The following GPBP1 variants were observed in gnomAD, a reference collection of about 807,000 sequenced individuals.
GPBP1 encodes GC-rich promoter binding protein 1.
Under a neutral mutation model 56.5 loss-of-function variants are expected in GPBP1, and 13 were observed. The observed-to-expected ratio is 0.23, with a 90% confidence interval of 0.15 to 0.37. The LOEUF (loss-of-function observed/expected upper bound fraction) is 0.37, where lower values mean the gene tolerates loss of function less well. GPBP1 is among the 10% of genes least tolerant of loss of function. The pLI is 1.00. For synonymous variants in GPBP1, 204 were observed against 188.9 expected, an observed-to-expected ratio of 1.08 and a Z score of -0.66; for missense variants, 477 against 572.3, an observed-to-expected ratio of 0.83 and a Z score of 1.70.
rs1470921682 is a variant in GPBP1, at chr5:57,231,276, G to A, written c.366G>A (p.Arg122=). ...ENNIPDNETG[R]KEDKRERKQF... The stretch of plus-strand genomic sequence containing the variant: ...ACATACCTGACAATGAAACCGGGAG[G>A]AAAGAAGACAAGAGAGAACGCAAAC... The change falls in exon 5 of 12, where the codon AGG becomes AGA. Residue 122 remains arginine (R), a synonymous_variant. Coordinates refer to ENST00000506184, the MANE Select transcript of GPBP1 (RefSeq NM_022913.4). 3.7e-6 allele frequency: 6 copies of A among 1,613,890 alleles called. No homozygotes were observed. The highest frequency in any genetic ancestry group is 5.1e-6 in the Non-Finnish European group (6 of 1,179,954).
At chr5:57,221,403 A>G in intron 3 of GPBP1, 2 of 1,505,238 alleles carry the variant, frequency 1.3e-6, no homozygotes, top group Admixed American at 2.0e-5. Context: ...GAAAGTAAGT[A>G]TTACTGAAAG....
intron 1 of GPBP1, 47 bp downstream of exon 1, chr5:57,174,258 G>T (rs1009355710): frequency 6.6e-6 from 1 of 152,552 alleles, no homozygotes; most frequent in African/African-American, 2.4e-5. Context: ...GGGAGGAGGG[G>T]AGTGCCCGTG....
chr5:57,199,810 C>A (rs996786787), intron 2 of GPBP1, among the ~76,000 whole-genome samples: 3 of 151,988 alleles, frequency 2.0e-5, no homozygotes, highest in African/African-American at 7.2e-5. Context: ...GTGTGCTGTT[C>A]AAGAACCCCT....
intron 3 of GPBP1, among the ~76,000 whole-genome samples, chr5:57,222,280 C>T (rs116509759): frequency 0.021 from 3,196 of 152,230 alleles, 59 homozygotes; most frequent in Middle Eastern, 0.048. Context: ...ACACTCTTAT[C>T]TCCCCCTGCC....
At chr5:57,194,560 A>G (rs1304678715) in intron 2 of GPBP1, among the ~76,000 whole-genome samples, 2 of 152,126 alleles carry the variant, frequency 1.3e-5, no homozygotes, top group East Asian at 3.8e-4. Flanking sequence ...TTATCTTGAA[A>G]TATATAATTA....
intron 6 of GPBP1, chr5:57,245,425 T>G (rs1249707877): frequency 2.0e-5 from 3 of 152,188 alleles, no homozygotes. Context: ...GAAGCTTGAT[T>G]TAGTTTTTGA....
intron 2 of GPBP1, among the ~76,000 whole-genome samples, chr5:57,212,919 T>G (rs1561343136): frequency 6.6e-6 from 1 of 152,028 alleles, no homozygotes; most frequent in South Asian, 2.1e-4. Flanking sequence ...GTGATCCACC[T>G]GTCTGCCTCA....
intron 6 of GPBP1, 199 bp from the exon 7 acceptor site, chr5:57,246,101 T>A (rs1741075562): frequency 2.2e-6 from 1 of 451,058 alleles, no homozygotes; most frequent in Non-Finnish European, 3.9e-6. Flanking sequence ...ATTCTTCCTA[T>A]ATTCTGTGGG....
chr5:57,242,597 G>A (rs758801722), intron 6 of GPBP1, among the ~76,000 whole-genome samples: 5 of 151,978 alleles, frequency 3.3e-5, no homozygotes, highest in African/African-American at 4.8e-5. Flanking sequence ...AGGCTCAAGC[G>A]ATCTTCCTGC....
chr5:57,225,178 G>GC (rs1756125005), intron 3 of GPBP1, among the ~76,000 whole-genome samples: 1 of 151,974 alleles, frequency 6.6e-6, no homozygotes, highest in South Asian at 2.1e-4. Context: ...GTATTATTTC[G>GC]CCGGGCACGG....
At chr5:57,180,476 T>C (rs528009164) in intron 2 of GPBP1, among the ~76,000 whole-genome samples, 56 of 152,304 alleles carry the variant, frequency 3.7e-4, no homozygotes, top group African/African-American at 1.3e-3. Flanking sequence ...TTGATAAAAA[T>C]GTTTATCAAA....
chr5:57,219,399 AAAAACC>A (rs1755839478), intron 3 of GPBP1, among the ~76,000 whole-genome samples: 3 of 59,544 alleles, frequency 5.0e-5, no homozygotes, highest in South Asian at 5.1e-4. Flanking sequence ...AAAAAAAAAA[AAAAACC>A]AAAAACAAAC....
intron 6 of GPBP1, among the ~76,000 whole-genome samples, chr5:57,236,820 T>C (rs1580057445): frequency 6.6e-6 from 1 of 152,192 alleles, no homozygotes; most frequent in Non-Finnish European, 1.5e-5. Context: ...CTTAAACACA[T>C]GTTCATTTGT....
chr5:57,260,988 A>ACCT (rs1326553298), intron 10 of GPBP1, among the ~76,000 whole-genome samples, 192 bp from the exon 11 acceptor site: 13 of 152,304 alleles, frequency 8.5e-5, no homozygotes, highest in African/African-American at 2.6e-4. Context: ...TTTTAATATC[A>ACCT]GTTTATTAAT....
intron 8 of GPBP1, among the ~76,000 whole-genome samples, chr5:57,247,866 C>G: frequency 6.6e-6 from 1 of 152,038 alleles, no homozygotes. Context: ...ATCTTAGTCT[C>G]CTGATTGTCT....
intron 2 of GPBP1, among the ~76,000 whole-genome samples, chr5:57,205,495 T>G (rs865847841): frequency 4.6e-5 from 7 of 152,190 alleles, no homozygotes; most frequent in South Asian, 2.1e-4. Context: ...ATTGCCAAAC[T>G]TCTACAGTTG....
intron 3 of GPBP1, among the ~76,000 whole-genome samples, chr5:57,229,718 G>A (rs28655466): frequency 0.037 from 5,664 of 151,586 alleles, 153 homozygotes; most frequent in Admixed American, 0.068. Flanking sequence ...ATTTTTTGTA[G>A]AGATGGGGTT....
At chr5:57,215,387 A>G (rs1314326977) in intron 3 of GPBP1, among the ~76,000 whole-genome samples, 1 of 152,138 alleles carries the variant, frequency 6.6e-6, no homozygotes, top group Non-Finnish European at 1.5e-5. Context: ...GTCTTTCCCC[A>G]TCTTTCTGTA....
chr5:57,235,200 G>C (rs1756611863), intron 5 of GPBP1, among the ~76,000 whole-genome samples: 1 of 152,004 alleles, frequency 6.6e-6, no homozygotes, highest in African/African-American at 2.4e-5. Flanking sequence ...CCAGCTACTT[G>C]GGAGGCTGAG....
Sources: gnomAD v4.1 joint callset for allele counts (sites outside exome capture counted in the v4.1 genomes callset) on GRCh38, gnomAD v4.1.1 for gene constraint, MANE v1.5 for transcripts, NCBI Gene and HGNC (gene_info 2026-07-23, HGNC 2026-07-21) for gene names.